FBXL14: variants seen among roughly 807,000 people sequenced by gnomAD.
The protein encoded by FBXL14 is F-box and leucine rich repeat protein 14, also known as F-box/LRR-repeat protein 14.
In FBXL14, 11 loss-of-function variants were observed where a neutral mutation model predicts 24.5. The ratio of observed to expected loss-of-function variants is 0.45; its 90% CI spans 0.28 to 0.74. FBXL14 has a LOEUF of 0.74. Ranked by LOEUF, FBXL14 falls within the 30% of genes least tolerant of loss-of-function variation. FBXL14 has a pLI of 0.12. For synonymous variants in FBXL14, 294 were observed against 240.4 expected (o/e 1.22, Z -2.06); for missense variants, 384 against 545.6 (o/e 0.70, Z 2.95).
Position 1,593,481 on chromosome 12 carries a change from T to A in FBXL14, c.586A>T (p.Ser196Cys), listed in dbSNP as rs768746532. The A allele has an allele frequency of 1.9e-6, 3 of 1,613,616 alleles. No individual in the cohort carries two copies. Among genetic ancestry groups the A allele is most frequent in the Non-Finnish European group, 2.5e-6 (3 of 1,179,974 alleles). Residue 196 changes from serine (S) to cysteine (C), a missense_variant, in exon 1 of 2, where the codon AGC (serine) becomes TGC (cysteine). Coordinates refer to ENST00000339235, the MANE Select transcript of FBXL14 (RefSeq NM_152441.3). The surrounding 1 kb of genome is among the most constrained non-coding windows in gnomAD (Gnocchi z 7.4). ...AGGCCCAGGCAGCCCTCCGCCGCGC[T>A]GCGCGTCATGCCGGCCAGGTGCCCG... ...GIGHLAGMTR[S>C]AAEGCLGLEQ...
rs773981665 is a variant in FBXL14 at position 1,567,313 on chromosome 12, TA to T, written c.1195-504del. The stretch of plus-strand genomic sequence containing the variant: ...CCCCATCTCTACTAAAAATAAAAAT[TA>T]AAAAAAAGGAAAAGAAAGAAAAGAA... On this transcript the variant is annotated intron_variant, in intron 1 of 1. Transcript: ENST00000339235. This position sits in a 1 kb window ranked among gnomAD's most constrained non-coding sequence, Gnocchi z 4.8. Among the ~76,000 whole-genome samples, 40 of 150,116 alleles carry T rather than the reference TA, an allele frequency of 2.7e-4. No individual in the cohort carries two copies. The highest frequency in any genetic ancestry group is 3.5e-3 in the Middle Eastern group (1 of 288).
rs2094441237 is a variant in FBXL14, at chr12:1,569,326, C to G, written c.1195-2516G>C. Among the ~76,000 whole-genome samples, 1 of 151,936 alleles carries G rather than the reference C, an allele frequency of 6.6e-6. No homozygotes were observed. Among genetic ancestry groups the G allele is most frequent in the South Asian group, 2.1e-4 (1 of 4,812 alleles). On this transcript the variant is annotated intron_variant, in intron 1 of 1. Transcript: ENST00000339235. This position sits in a 1 kb window ranked among gnomAD's most constrained non-coding sequence, Gnocchi z 4.2. Reference sequence around the variant, plus strand: ...CCTTCCCATTCCCTCTCCTTTTCACCAGGCTTCTCCTCTTCCTTCTTCCCT... The same window carrying G: ...CCTTCCCATTCCCTCTCCTTTTCACGAGGCTTCTCCTCTTCCTTCTTCCCT...
intron 1 of FBXL14, among the ~76,000 whole-genome samples, chr12:1,571,680 C>T (rs555151516): frequency 2.6e-5 from 4 of 152,214 alleles, no homozygotes; most frequent in Admixed American, 2.6e-4. Flanking sequence ...TATCAAAGAG[C>T]GACTTTTTAA....
chr12:1,591,107 G>T (rs1407548683), intron 1 of FBXL14, among the ~76,000 whole-genome samples: 1 of 152,120 alleles, frequency 6.6e-6, no homozygotes, highest in African/African-American at 2.4e-5. Flanking sequence ...TTTCCACGTT[G>T]TTGAAAGTTT....
rs2094495602 is a variant in FBXL14 at position 1,593,721 on chromosome 12, TCTC to T, written c.343_345del (p.Glu115del). On this transcript the variant is annotated inframe_deletion, in exon 1 of 2. Coordinates refer to ENST00000339235, the MANE Select transcript of FBXL14 (RefSeq NM_152441.3). The surrounding 1 kb of genome is among the most constrained non-coding windows in gnomAD (Gnocchi z 7.4). ...AGGTTGAGAGCGCGCAGGGAGCCGA[TCTC>T]CTGCACAAACGCGTGGCCCAGCCCG... 1 of 1,613,964 alleles carries T rather than the reference TCTC, an allele frequency of 6.2e-7. No homozygotes were observed. The highest frequency in any genetic ancestry group is 1.7e-5 in the Admixed American group (1 of 60,002).
intron 1 of FBXL14, among the ~76,000 whole-genome samples, chr12:1,592,513 A>G (rs2094492801): frequency 6.6e-6 from 1 of 152,288 alleles, no homozygotes; most frequent in South Asian, 2.1e-4. Flanking sequence ...AGGGTTGAAA[A>G]GACCAGTCAC....
Position 1,569,635 on chromosome 12 carries a change from T to TC in FBXL14, c.1195-2826_1195-2825insG, listed in dbSNP as rs532185419. 3.1e-4 allele frequency among the ~76,000 whole-genome samples: 47 copies of TC among 152,252 alleles called. 1 individual carries two copies. The South Asian group carries it at 9.1e-3, about 30-fold the overall frequency. On this transcript the variant is annotated intron_variant, in intron 1 of 1. Coordinates refer to ENST00000339235, the MANE Select transcript of FBXL14 (RefSeq NM_152441.3). The surrounding 1 kb of genome is among the most constrained non-coding windows in gnomAD (Gnocchi z 4.2). ...CAGGATGGTCTCGATCTCCTGAACT[T>TC]GTGATCCGCCCGCCTCGGCCTCCCA...
chr12:1,578,376 C>T (rs2094459927), intron 1 of FBXL14, among the ~76,000 whole-genome samples: 1 of 152,192 alleles, frequency 6.6e-6, no homozygotes, highest in African/African-American at 2.4e-5. Flanking sequence ...CGTGGTGGCT[C>T]ACACCTGTAT....
rs192314209 is a variant in FBXL14, at chr12:1,573,531, T to C, written c.1195-6721A>G. 1.1e-3 allele frequency among the ~76,000 whole-genome samples: 166 copies of C among 152,218 alleles called. 1 individual carries two copies. On this transcript the variant is annotated intron_variant, in intron 1 of 1. Coordinates refer to ENST00000339235, the MANE Select transcript of FBXL14 (RefSeq NM_152441.3). ...GCAGTGATGTAAAGAGGATGTAACA[T>C]TGCGGGGCCAGAAGTGCCGATACCG...
intron 1 of FBXL14, among the ~76,000 whole-genome samples, 186 bp from the exon 2 acceptor site, chr12:1,566,996 A>C (rs117368572): frequency 0.059 from 8,975 of 152,058 alleles, 361 homozygotes; most frequent in East Asian, 0.087. Flanking sequence ...GGCGGGAGGG[A>C]GGACGGAGAC....
Position 1,566,767 on chromosome 12 carries a change from C to T in FBXL14, c.1238G>A (p.Arg413Gln), listed in dbSNP as rs747324942. Residue 413 changes from arginine (R) to glutamine (Q), a missense_variant, in exon 2 of 2, where the codon CGG (arginine) becomes CAG (glutamine). Arg to Gln is a conservative substitution (Grantham distance 43). Coordinates refer to ENST00000339235, the MANE Select transcript of FBXL14 (RefSeq NM_152441.3). ...TCTCCCTCACCTTCTGGAGCTTCCC[C>T]GAGTTCTCACAGTGAATAATGGAGA... ...DFSPLFTVRT[R>Q]GSSRR The T allele has an allele frequency of 1.4e-5, 11 of 780,860 alleles. No homozygotes were observed. The East Asian group carries it at 1.7e-4, about 12-fold the overall frequency. The allele number at this position is 780,860 out of a possible 1,614,324, so 48.4% of individuals were successfully genotyped here. A position where few individuals can be genotyped will look rare whatever the true frequency, so the allele number is the denominator to read the frequency against.
chr12:1,593,761 G>A lies in FBXL14; in HGVS notation c.306C>T (p.Asn102=), dbSNP rs914466333. The change falls in exon 1 of 2, where the codon AAC becomes AAT. Residue 102 remains asparagine, a synonymous_variant. Transcript: ENST00000339235. This position sits in a 1 kb window ranked among gnomAD's most constrained non-coding sequence, Gnocchi z 7.4. The part of the protein sequence containing the change: ...IESLNLSGCY[N]LTDNGLGHAF... ...CGTGGCCCAGCCCGTTGTCGGTGAG[G>A]TTGTAGCAGCCGCTGAGGTTGAGGC... The A allele has an allele frequency of 1.9e-5, 30 of 1,614,070 alleles. 1 individual carries two copies. Among genetic ancestry groups the A allele is most frequent in the South Asian group, 8.8e-5 (8 of 91,094 alleles).
chr12:1,587,367 T>G (rs2094479100), intron 1 of FBXL14: 1 of 152,124 alleles, frequency 6.6e-6, no homozygotes, highest in African/African-American at 2.4e-5. Flanking sequence ...GGAATTCCAC[T>G]TCGATTGTTT....
intron 1 of FBXL14, among the ~76,000 whole-genome samples, chr12:1,583,131 AT>A (rs145387597): frequency 0.059 from 8,889 of 151,038 alleles, 547 homozygotes; most frequent in African/African-American, 0.16. Flanking sequence ...ATTAAAAAAA[AT>A]TAAAAAAAAG....
rs184851837 is a variant in FBXL14, at chr12:1,588,903, A to G, written c.1194+3970T>C. 2.0e-4 allele frequency among the ~76,000 whole-genome samples: 31 copies of G among 151,950 alleles called. No individual in the cohort carries two copies. The East Asian group carries it at 5.4e-3, about 27-fold the overall frequency. On this transcript the variant is annotated intron_variant, in intron 1 of 1. Coordinates refer to ENST00000339235, the MANE Select transcript of FBXL14 (RefSeq NM_152441.3). ...ATGCATTTCTCCCATTCCTGTAGGT[A>G]TGGCGGGGATCAACTTTTCATACCA...
intron 1 of FBXL14, among the ~76,000 whole-genome samples, chr12:1,590,176 C>A (rs143652228): frequency 6.7e-6 from 1 of 150,252 alleles, no homozygotes; most frequent in Non-Finnish European, 1.5e-5. Flanking sequence ...GCACTGTAAC[C>A]TAAGTGGGAA....
In FBXL14 at chr12:1,567,125, A is replaced by T. The variant is rs1592450364; in HGVS notation, c.1195-315T>A. On this transcript the variant is annotated intron_variant, in intron 1 of 1. Coordinates refer to ENST00000339235, the MANE Select transcript of FBXL14 (RefSeq NM_152441.3). This position sits in a 1 kb window ranked among gnomAD's most constrained non-coding sequence, Gnocchi z 4.8. ...CGGCCTCTTTACAGCAGCTGCCTTT[A>T]CCCGGTCACAGCCACTATCAAGAAA... Among the ~76,000 whole-genome samples the T allele has an allele frequency of 6.6e-6, 1 of 152,000 alleles. No homozygotes were observed. Among genetic ancestry groups the T allele is most frequent in the South Asian group, 2.1e-4 (1 of 4,802 alleles).
In FBXL14 at chr12:1,567,332, GA is replaced by G. The variant is rs2094438020; in HGVS notation, c.1195-523del. Among the ~76,000 whole-genome samples the G allele has an allele frequency of 6.6e-6, 1 of 151,792 alleles. No homozygotes were observed. Among genetic ancestry groups the G allele is most frequent in the Non-Finnish European group, 1.5e-5 (1 of 67,914 alleles). On this transcript the variant is annotated intron_variant, in intron 1 of 1. Coordinates refer to ENST00000339235, the MANE Select transcript of FBXL14 (RefSeq NM_152441.3). The surrounding 1 kb of genome is among the most constrained non-coding windows in gnomAD (Gnocchi z 4.8). ...AAAAATTAAAAAAAAGGAAAAGAAAGAAAAGAAAAATTAGCTGGGCGTGGTG... is the reference window on the plus strand; with the variant it reads ...AAAAATTAAAAAAAAGGAAAAGAAAGAAAGAAAAATTAGCTGGGCGTGGTG...
intron 1 of FBXL14, among the ~76,000 whole-genome samples, chr12:1,570,112 A>G (rs1426251475): frequency 6.6e-6 from 1 of 152,164 alleles, no homozygotes; most frequent in African/African-American, 2.4e-5. Flanking sequence ...TCCTGTCCAC[A>G]CTAGACCTGT....
Sources: gnomAD v4.1 joint callset for allele counts (sites outside exome capture counted in the v4.1 genomes callset) on GRCh38, gnomAD v4.1.1 for gene constraint, Gnocchi (gnomAD v3.1) non-coding constraint, MANE v1.5 for transcripts, NCBI Gene and HGNC (gene_info 2026-07-23, HGNC 2026-07-21) for gene names.